The following SYNRG variants were observed in gnomAD, a reference collection of about 807,000 sequenced individuals.
The protein encoded by SYNRG is AP1 gamma subunit binding protein 1.
Under a neutral mutation model 130.9 loss-of-function variants are expected in SYNRG, and 37 were observed. That is an observed-to-expected ratio of 0.28 (90% confidence interval 0.22 to 0.37). The LOEUF (loss-of-function observed/expected upper bound fraction) is 0.37. SYNRG is among the 10% of genes least tolerant of loss of function. SYNRG has a pLI of 1.00. For missense variants in SYNRG, 1,338 were observed against 1,588.9 expected, an observed-to-expected ratio of 0.84 and a Z score of 2.68; for synonymous variants, 539 against 568.1, an observed-to-expected ratio of 0.95 and a Z score of 0.73.
chr17:37,587,638 C>T lies in SYNRG; in HGVS notation c.241-1089G>A, dbSNP rs553548687. On this transcript the variant is annotated intron_variant, in intron 3 of 21. Coordinates refer to ENST00000612223, the MANE Select transcript of SYNRG (RefSeq NM_007247.6). Reference sequence around the variant, plus strand: ...ATGTCATCTACTGACCCTCAACTTCCTCACTCTTCAGTTGAACACTTCAGA... The same window carrying T: ...ATGTCATCTACTGACCCTCAACTTCTTCACTCTTCAGTTGAACACTTCAGA... Among the ~76,000 whole-genome samples the T allele has an allele frequency of 3.3e-5, 5 of 152,292 alleles. No homozygotes were observed. The South Asian group carries it at 1.0e-3, about 32-fold the overall frequency.
chr17:37,528,310 C>T (rs1436071633), intron 19 of SYNRG, among the ~76,000 whole-genome samples: 2 of 152,094 alleles, frequency 1.3e-5, no homozygotes, highest in South Asian at 2.1e-4. Flanking sequence ...ATCACTTTCT[C>T]CCACTCTTCC....
chr17:37,545,799 T>C (rs2058230908), intron 14 of SYNRG, among the ~76,000 whole-genome samples: 1 of 152,164 alleles, frequency 6.6e-6, no homozygotes, highest in African/African-American at 2.4e-5. Context: ...AGCCTCAAAA[T>C]TGAGTTTTAA....
chr17:37,529,855 G>T (rs897724745), intron 19 of SYNRG: 2 of 1,551,334 alleles, frequency 1.3e-6, no homozygotes, highest in African/African-American at 2.7e-5. Flanking sequence ...AGCAGCACTA[G>T]GAGAGAAGAG....
At position 37,517,700 on chromosome 17, in the gene SYNRG, T is replaced by C. The variant is rs2054532750; in HGVS notation, c.*1240A>G. 1 of 151,830 alleles carries C rather than the reference T, an allele frequency of 6.6e-6. No homozygotes were observed. Among genetic ancestry groups the C allele is most frequent in the Non-Finnish European group, 1.5e-5 (1 of 67,982 alleles). 9.4% of individuals were successfully genotyped at this position (151,830 alleles called of 1,614,324 possible). A position where few individuals can be genotyped will look rare whatever the true frequency, so the allele number is the denominator to read the frequency against. ...AAAAATAAAAGTCTAGGTCAGAGGG[T>C]CTAAACCACACAAAGTAAAGCACAC... is the stretch of plus-strand genomic sequence containing the variant. On this transcript the variant is annotated 3_prime_UTR_variant, in exon 22 of 22. Coordinates refer to ENST00000612223, the MANE Select transcript of SYNRG (RefSeq NM_007247.6).
chr17:37,556,523 A>C (rs1002049506), intron 13 of SYNRG, among the ~76,000 whole-genome samples: 10 of 150,060 alleles, frequency 6.7e-5, no homozygotes, highest in African/African-American at 2.5e-4. Flanking sequence ...TTGTAACAAG[A>C]TATGTACTTG....
Position 37,609,407 on chromosome 17 carries a change from T to A in SYNRG, c.-52A>T, listed in dbSNP as rs1312436613. 4 of 1,370,682 alleles carry A rather than the reference T, an allele frequency of 2.9e-6. No individual in the cohort carries two copies. Among genetic ancestry groups the A allele is most frequent in the Non-Finnish European group, 3.8e-6 (4 of 1,064,966 alleles). 84.9% of individuals were successfully genotyped at this position (1,370,682 alleles called of 1,614,324 possible). Reference sequence around the variant, plus strand: ...GCCGCCGCCACCTTATCAGCAGCTGTCAGCTGAACACAGCCACTTCCGGGT... The same window carrying A: ...GCCGCCGCCACCTTATCAGCAGCTGACAGCTGAACACAGCCACTTCCGGGT... On this transcript the variant is annotated 5_prime_UTR_variant, in exon 1 of 22. Transcript: ENST00000612223.
chr17:37,555,246 C>T (rs1185015032), intron 13 of SYNRG, among the ~76,000 whole-genome samples: 1 of 152,128 alleles, frequency 6.6e-6, no homozygotes, highest in East Asian at 1.9e-4. Context: ...CCTGCCTCAG[C>T]CTCCCAAGTA....
intron 13 of SYNRG, among the ~76,000 whole-genome samples, chr17:37,555,423 G>A (rs914962211): frequency 3.3e-5 from 5 of 151,334 alleles, no homozygotes; most frequent in Non-Finnish European, 5.9e-5. Flanking sequence ...TACAGCACCC[G>A]GCCCAAGGCC....
chr17:37,609,235 CCCCGCGGAGGCCAGCGGGCTCCCG>C lies in SYNRG; in HGVS notation c.77+20_77+43del, dbSNP rs1464642130. 57 of 1,393,330 alleles carry C rather than the reference CCCCGCGGAGGCCAGCGGGCTCCCG, an allele frequency of 4.1e-5. No individual in the cohort carries two copies. The highest frequency in any genetic ancestry group is 5.2e-5 in the Non-Finnish European group (56 of 1,081,550). 86.3% of individuals were successfully genotyped at this position (1,393,330 alleles called of 1,614,324 possible). On this transcript the variant is annotated intron_variant, in intron 1 of 21. Coordinates refer to ENST00000612223, the MANE Select transcript of SYNRG (RefSeq NM_007247.6). ...ATAACTGCCAAGCGCCCCTCGCCGC[CCCCGCGGAGGCCAGCGGGCTCCCG>C]CCCGGCTCTTCACACCTACCCGCCT...
At chr17:37,572,762 T>C (rs772335074) in intron 8 of SYNRG, among the ~76,000 whole-genome samples, 2 of 152,134 alleles carry the variant, frequency 1.3e-5, no homozygotes, top group Non-Finnish European at 2.9e-5. Flanking sequence ...CAGTTTCTGT[T>C]AAGGTGAGGA....
At position 37,551,786 on chromosome 17, in the gene SYNRG, T is replaced by TA. The variant is rs200233566; in HGVS notation, c.2608+1328dup. ...CAACTGCTGTGGTTCAAGCAGCTCA[T>TA]AAAAAAAAAAAACCAACAAAACAAA... On this transcript the variant is annotated intron_variant, in intron 14 of 21. Coordinates refer to ENST00000612223, the MANE Select transcript of SYNRG (RefSeq NM_007247.6). Among the ~76,000 whole-genome samples the TA allele has an allele frequency of 8.2e-3, 626 of 76,036 alleles. 2 individuals are homozygous for TA. The highest frequency in any genetic ancestry group is 0.021 in the African/African-American group (439 of 21,410). 49.9% of individuals were successfully genotyped at this position (76,036 alleles called of 152,430 possible). A position where few individuals can be genotyped will look rare whatever the true frequency, so the allele number is the denominator to read the frequency against.
chr17:37,518,684 C>T lies in SYNRG; in HGVS notation c.*256G>A, dbSNP rs567556944. On this transcript the variant is annotated 3_prime_UTR_variant, in exon 22 of 22. Transcript: ENST00000612223. The stretch of plus-strand genomic sequence containing the variant: ...AAGTTCTTCCTTAGATCAAGAAAGC[C>T]GTGGTCCGTATTTCAGAAAATCTTA... 3.9e-5 allele frequency: 16 copies of T among 409,270 alleles called. No individual in the cohort carries two copies. The highest frequency in any genetic ancestry group is 7.5e-5 in the East Asian group (2 of 26,780). The allele number at this position is 409,270 out of a possible 1,614,324, so 25.4% of individuals were successfully genotyped here.
chr17:37,600,689 G>C (rs1427881820), intron 1 of SYNRG: 6 of 528,926 alleles, frequency 1.1e-5, no homozygotes, highest in Non-Finnish European at 1.7e-5. Flanking sequence ...TCTATAAAAT[G>C]AGAGAGTTTA....
chr17:37,544,519 T>C (rs1598234655), intron 14 of SYNRG, among the ~76,000 whole-genome samples: 1 of 152,140 alleles, frequency 6.6e-6, no homozygotes. Context: ...TTCACCATGT[T>C]GGCCAGGCTG....
intron 3 of SYNRG, among the ~76,000 whole-genome samples, chr17:37,595,392 C>T (rs908265003): frequency 1.3e-5 from 2 of 152,032 alleles, no homozygotes; most frequent in Non-Finnish European, 2.9e-5. Flanking sequence ...AGTAAACTAA[C>T]GCAGAAACAA....
At chr17:37,567,302 T>C (rs1248828632) in intron 11 of SYNRG, 1 of 152,192 alleles carries the variant, frequency 6.6e-6, no homozygotes, top group Non-Finnish European at 1.5e-5. Flanking sequence ...GTAAATAGCA[T>C]GCTTTTAATT....
rs777884745 is a variant in SYNRG at position 37,553,528 on chromosome 17, A to G, written c.2195T>C (p.Val732Ala). Reference sequence around the variant, plus strand: ...AGCAGTCGAGTTTTGTCCACCCTTCACTGTGCTGCCCACGTTGCTGGTTAG... The same window carrying G: ...AGCAGTCGAGTTTTGTCCACCCTTCGCTGTGCTGCCCACGTTGCTGGTTAG... ...VPLTSNVGST[V>A]KGGQNSTAAS... The change falls in exon 14 of 22, where the codon GTG (valine) becomes GCG (alanine). Residue 732 changes from valine to alanine, a missense_variant. Physicochemically the swap from Val to Ala is moderately conservative, Grantham distance 64. This residue lies in a region of SYNRG where 1,146 missense variants were observed against 1,342.3 expected (regional missense o/e 0.85). Coordinates refer to ENST00000612223, the MANE Select transcript of SYNRG (RefSeq NM_007247.6). 1.9e-6 allele frequency: 3 copies of G among 1,614,172 alleles called. No individual in the cohort carries two copies. The highest frequency in any genetic ancestry group is 2.5e-6 in the Non-Finnish European group (3 of 1,180,030).
chr17:37,558,956 C>G (rs930992630), intron 13 of SYNRG, among the ~76,000 whole-genome samples: 1 of 152,202 alleles, frequency 6.6e-6, no homozygotes, highest in Non-Finnish European at 1.5e-5. Flanking sequence ...CTTACTCCCA[C>G]TTGGTCATCT....
intron 8 of SYNRG, 63 bp from the exon 9 acceptor site, chr17:37,572,050 G>A (rs761681001): frequency 3.1e-5 from 43 of 1,385,276 alleles, no homozygotes; most frequent in Non-Finnish European, 4.2e-5. Context: ...TTTTTGGGAT[G>A]CCATTGTTGG....
Sources: gnomAD v4.1 joint callset for allele counts (sites outside exome capture counted in the v4.1 genomes callset) on GRCh38, gnomAD v4.1.1 for gene constraint, gnomAD v4.1.1 regional missense constraint, MANE v1.5 for transcripts, NCBI Gene and HGNC (gene_info 2026-07-23, HGNC 2026-07-21) for gene names.